Variants in KIRREL3 observed in about 807,000 individuals in gnomAD.
The protein encoded by KIRREL3 is kirre like nephrin family adhesion molecule 3.
A neutral mutation model predicts 89.7 loss-of-function variants in KIRREL3; 36 were observed. The observed-to-expected ratio is 0.40, with a 90% CI of 0.31 to 0.53. The LOEUF is 0.53. Ranked by LOEUF, KIRREL3 falls within the 20% of genes least tolerant of loss-of-function variation. The pLI, the probability that KIRREL3 is intolerant of heterozygous loss-of-function variation, is 0.49. For missense variants in KIRREL3, 864 were observed against 1,056.6 expected (o/e 0.82, Z 2.53); for synonymous variants, 445 against 441.4 (o/e 1.01, Z -0.10).
chr11:126,675,100 C>A (rs372050896), intron 1 of KIRREL3, among the ~76,000 whole-genome samples: 1 of 152,176 alleles, frequency 6.6e-6, no homozygotes, highest in Admixed American at 6.5e-5. Flanking sequence ...AGGGCCTCTT[C>A]GATGCTGGGG....
intron 1 of KIRREL3, among the ~76,000 whole-genome samples, chr11:126,629,207 TGG>T: frequency 6.6e-6 from 1 of 152,268 alleles, no homozygotes; most frequent in Middle Eastern, 3.4e-3. Flanking sequence ...CTTCTTCAGC[TGG>T]GCGCGCTGTG....
chr11:126,528,761 G>C lies in KIRREL3; in HGVS notation c.134-2074C>G, dbSNP rs1367112160. Among the ~76,000 whole-genome samples, 1 of 149,154 alleles carries C rather than the reference G, an allele frequency of 6.7e-6. No homozygotes were observed. The highest frequency in any genetic ancestry group is 1.5e-5 in the Non-Finnish European group (1 of 67,384). On this transcript the variant is annotated intron_variant, in intron 2 of 16. Transcript: ENST00000525144. The surrounding 1 kb of genome is among the most constrained non-coding windows in gnomAD (Gnocchi z 4.6). ...AAGGGGAGAGGAGGGAGGGACTGGA[G>C]AGAGAGCAAAGGAGTGAAGTGAGGA...
chr11:126,800,651 T>G (rs757221249), intron 1 of KIRREL3, among the ~76,000 whole-genome samples: 1 of 152,146 alleles, frequency 6.6e-6, no homozygotes, highest in Non-Finnish European at 1.5e-5. Context: ...CAGGATTACC[T>G]CAGGAATAAT....
At position 126,739,251 on chromosome 11, in the gene KIRREL3, G is replaced by A. The variant is rs938127457; in HGVS notation, c.56-176339C>T. Reference sequence around the variant, plus strand: ...CTTCTGCATATGACTTGCCCACAGAGCATTAGGTGATACTTATAGTATTAA... The same window carrying A: ...CTTCTGCATATGACTTGCCCACAGAACATTAGGTGATACTTATAGTATTAA... On this transcript the variant is annotated intron_variant, in intron 1 of 16. Transcript: ENST00000525144. The surrounding 1 kb of genome is among the most constrained non-coding windows in gnomAD (Gnocchi z 5.5). Among the ~76,000 whole-genome samples, 5 of 152,230 alleles carry A rather than the reference G, an allele frequency of 3.3e-5. No individual in the cohort carries two copies. Among genetic ancestry groups the A allele is most frequent in the African/African-American group, 1.2e-4 (5 of 41,460 alleles).
chr11:126,838,769 G>T (rs969669529), intron 1 of KIRREL3, among the ~76,000 whole-genome samples: 1 of 152,054 alleles, frequency 6.6e-6, no homozygotes. Flanking sequence ...CTGTCAGGTT[G>T]GAAAAATGTA....
chr11:126,695,490 C>G (rs1295762053), intron 1 of KIRREL3, among the ~76,000 whole-genome samples: 2 of 151,994 alleles, frequency 1.3e-5, no homozygotes, highest in Admixed American at 1.3e-4. Flanking sequence ...GGCATTAGTC[C>G]CTGCCACATT....
At position 126,647,622 on chromosome 11, in the gene KIRREL3, G is replaced by A. The variant is rs1025028315; in HGVS notation, c.56-84710C>T. Among the ~76,000 whole-genome samples the A allele has an allele frequency of 6.6e-6, 1 of 152,196 alleles. No individual in the cohort carries two copies. Among genetic ancestry groups the A allele is most frequent in the Non-Finnish European group, 1.5e-5 (1 of 68,038 alleles). On this transcript the variant is annotated intron_variant, in intron 1 of 16. Coordinates refer to ENST00000525144, the MANE Select transcript of KIRREL3 (RefSeq NM_032531.4). This position sits in a 1 kb window ranked among gnomAD's most constrained non-coding sequence, Gnocchi z 4.9. ...TTGGTTCTTCCTTCAAAGTAAATTT[G>A]GAATCTGGTCTTCTTGCCCCTCCAA...
Position 126,562,985 on chromosome 11 carries a change from G to A in KIRREL3, c.56-73C>T. The A allele has an allele frequency of 1.9e-6, 2 of 1,052,280 alleles. No homozygotes were observed. The highest frequency in any genetic ancestry group is 2.9e-6 in the Non-Finnish European group (2 of 695,126). 65.2% of individuals were successfully genotyped at this position (1,052,280 alleles called of 1,614,324 possible). A position where few individuals can be genotyped will look rare whatever the true frequency, so the allele number is the denominator to read the frequency against. On this transcript the variant is annotated intron_variant, in intron 1 of 16. Coordinates refer to ENST00000525144, the MANE Select transcript of KIRREL3 (RefSeq NM_032531.4). This position sits in a 1 kb window ranked among gnomAD's most constrained non-coding sequence, Gnocchi z 4.7. ...GCATTGTTGGGGGGCCCTCTGCAGG[G>A]GGCTGTGGAGCTTGTTGCTCTTATA...
At chr11:126,938,360 TA>T (rs1196960872) in intron 1 of KIRREL3, among the ~76,000 whole-genome samples, 1 of 152,222 alleles carries the variant, frequency 6.6e-6, no homozygotes, top group Non-Finnish European at 1.5e-5. Context: ...TTGACTGGCA[TA>T]TTTTCTCTAA....
rs757091844 is a variant in KIRREL3 at position 126,904,958 on chromosome 11, T to TGAC, written c.55+95496_55+95497insGTC. The stretch of plus-strand genomic sequence containing the variant: ...ATGGGGATGATGATGATGATGATGA[T>TGAC]GATGATACAGAAATAGTGTGTAAAA... On this transcript the variant is annotated intron_variant, in intron 1 of 16. Coordinates refer to ENST00000525144, the MANE Select transcript of KIRREL3 (RefSeq NM_032531.4). The surrounding 1 kb of genome is among the most constrained non-coding windows in gnomAD (Gnocchi z 4.4). Among the ~76,000 whole-genome samples, 1 of 152,060 alleles carries TGAC rather than the reference T, an allele frequency of 6.6e-6. No individual in the cohort carries two copies. The highest frequency in any genetic ancestry group is 1.5e-5 in the Non-Finnish European group (1 of 67,994).
chr11:126,982,914 G>C (rs925054057), intron 1 of KIRREL3, among the ~76,000 whole-genome samples: 2 of 152,170 alleles, frequency 1.3e-5, no homozygotes, highest in Non-Finnish European at 2.9e-5. Context: ...GACTAATAAA[G>C]CCAAAGTAAA....
Position 126,668,656 on chromosome 11 carries a change from G to C in KIRREL3, c.56-105744C>G, listed in dbSNP as rs556208717. On this transcript the variant is annotated intron_variant, in intron 1 of 16. Transcript: ENST00000525144. The surrounding 1 kb of genome is among the most constrained non-coding windows in gnomAD (Gnocchi z 4.4). ...TTTCTCAGATAGCATGCCATTTGCT[G>C]TCTCAAATCTATAAAGAGCTGTTGG... 1.3e-5 allele frequency among the ~76,000 whole-genome samples: 2 copies of C among 151,992 alleles called. No homozygotes were observed. The highest frequency in any genetic ancestry group is 2.9e-5 in the Non-Finnish European group (2 of 67,998).
chr11:126,636,257 A>G lies in KIRREL3; in HGVS notation c.56-73345T>C, dbSNP rs1006864278. Among the ~76,000 whole-genome samples, 1 of 152,212 alleles carries G rather than the reference A, an allele frequency of 6.6e-6. No individual in the cohort carries two copies. Among genetic ancestry groups the G allele is most frequent in the Admixed American group, 6.5e-5 (1 of 15,278 alleles). ...GCTAAGCATTCAATAAATGTGGACTATTATTGTTATTTCCTTTTTGAGCTA... is the reference window on the plus strand; with the variant it reads ...GCTAAGCATTCAATAAATGTGGACTGTTATTGTTATTTCCTTTTTGAGCTA... On this transcript the variant is annotated intron_variant, in intron 1 of 16. Transcript: ENST00000525144. This position sits in a 1 kb window ranked among gnomAD's most constrained non-coding sequence, Gnocchi z 4.4.
intron 1 of KIRREL3, among the ~76,000 whole-genome samples, chr11:126,945,834 T>C (rs1209447006): frequency 2.0e-5 from 3 of 152,214 alleles, no homozygotes; most frequent in South Asian, 2.1e-4. Flanking sequence ...AGTTGCCCTG[T>C]TGGAATTAAT....
At position 126,477,838 on chromosome 11, in the gene KIRREL3, C is replaced by A. The variant is rs1024881002; in HGVS notation, c.434-4372G>T. Reference sequence around the variant, plus strand: ...GGTGGCAGCTGGAGGGGTGGGGGACCAGCAGCACCACCCTCCTGCCCCCAT... The same window carrying A: ...GGTGGCAGCTGGAGGGGTGGGGGACAAGCAGCACCACCCTCCTGCCCCCAT... On this transcript the variant is annotated intron_variant, in intron 4 of 16. Coordinates refer to ENST00000525144, the MANE Select transcript of KIRREL3 (RefSeq NM_032531.4). This position sits in a 1 kb window ranked among gnomAD's most constrained non-coding sequence, Gnocchi z 4.8. Among the ~76,000 whole-genome samples the A allele has an allele frequency of 6.6e-6, 1 of 152,162 alleles. No individual in the cohort carries two copies. Among genetic ancestry groups the A allele is most frequent in the Non-Finnish European group, 1.5e-5 (1 of 68,032 alleles).
At position 126,860,661 on chromosome 11, in the gene KIRREL3, G is replaced by A. The variant is rs998896974; in HGVS notation, c.55+139794C>T. Among the ~76,000 whole-genome samples, 3 of 152,312 alleles carry A rather than the reference G, an allele frequency of 2.0e-5. No homozygotes were observed. The highest frequency in any genetic ancestry group is 1.5e-5 in the Non-Finnish European group (1 of 68,028). On this transcript the variant is annotated intron_variant, in intron 1 of 16. Transcript: ENST00000525144. The surrounding 1 kb of genome is among the most constrained non-coding windows in gnomAD (Gnocchi z 4.6). ...TATAGTTGTTGAAGGTTTCTAGACA[G>A]AAGAATGGCTTGGGGGGCTGTGTGT...
intron 1 of KIRREL3, among the ~76,000 whole-genome samples, chr11:126,810,173 C>T (rs77938807): frequency 7.9e-5 from 12 of 152,180 alleles, no homozygotes; most frequent in Non-Finnish European, 1.6e-4. Context: ...ATATAGTTCA[C>T]ATCTTCTGTA....
At chr11:126,749,450 C>G (rs1014489713) in intron 1 of KIRREL3, among the ~76,000 whole-genome samples, 5 of 152,172 alleles carry the variant, frequency 3.3e-5, no homozygotes, top group African/African-American at 1.2e-4. Flanking sequence ...TCTCCCCATC[C>G]TCGCCGGTTT....
At chr11:126,450,944 TGTGTGCATGTGTGAGC>T (rs905917010) in intron 7 of KIRREL3, among the ~76,000 whole-genome samples, 2 of 150,838 alleles carry the variant, frequency 1.3e-5, no homozygotes, top group East Asian at 2.0e-4. Context: ...TGTGTGGGCG[TGTGTGCATGTGTGAGC>T]GTGTGCATGC....
Sources: gnomAD v4.1 joint callset for allele counts (sites outside exome capture counted in the v4.1 genomes callset) on GRCh38, gnomAD v4.1.1 for gene constraint, Gnocchi (gnomAD v3.1) non-coding constraint, MANE v1.5 for transcripts, NCBI Gene and HGNC (gene_info 2026-07-23, HGNC 2026-07-21) for gene names.